The following KCNMA1 variants were observed in gnomAD, a reference collection of about 807,000 sequenced individuals.
KCNMA1 encodes the protein potassium calcium-activated channel subfamily M alpha 1.
KCNMA1 carries 29 observed loss-of-function variants against 140.0 expected under a neutral mutation model. The observed-to-expected ratio is 0.21, with a 90% CI of 0.15 to 0.28. The LOEUF is 0.28. Among genes scored for constraint, KCNMA1 ranks in the 10% least tolerant of loss-of-function variants. KCNMA1 has a pLI of 1.00. For missense variants in KCNMA1, 880 were observed against 1,602.2 expected (o/e 0.55, Z 7.70); for synonymous variants, 612 against 611.9 (o/e 1.00, Z 0.00).
At chr10:77,552,755 T>C (rs1026563499) in intron 1 of KCNMA1, among the ~76,000 whole-genome samples, 9 of 152,084 alleles carry the variant, frequency 5.9e-5, no homozygotes, top group African/African-American at 2.2e-4. Flanking sequence ...CATTTAAGAA[T>C]CCAAAAAGGT....
chr10:77,416,592 G>A (rs963115841), intron 1 of KCNMA1, among the ~76,000 whole-genome samples: 2 of 152,154 alleles, frequency 1.3e-5, no homozygotes, highest in African/African-American at 2.4e-5. Context: ...GGAGTAAAAA[G>A]ATGAGTAACC....
downstream of KCNMA1, among the ~76,000 whole-genome samples, chr10:76,880,241 T>C (rs1351890504): frequency 1.3e-5 from 2 of 152,222 alleles, no homozygotes; most frequent in Non-Finnish European, 2.9e-5. Flanking sequence ...AATTTCCTTC[T>C]GCTGTCTGTA....
At chr10:77,342,051 A>C (rs1428995444) in intron 2 of KCNMA1, among the ~76,000 whole-genome samples, 1 of 152,154 alleles carries the variant, frequency 6.6e-6, no homozygotes. Context: ...ATGCTGCTTC[A>C]AAGGCCTTTC....
At chr10:77,324,109 C>CAA (rs1238300103) in intron 2 of KCNMA1, among the ~76,000 whole-genome samples, 4 of 152,180 alleles carry the variant, frequency 2.6e-5, no homozygotes, top group African/African-American at 9.7e-5. Context: ...TCCAGAACAT[C>CAA]TGGCTTCATT....
intron 1 of KCNMA1, among the ~76,000 whole-genome samples, chr10:77,454,663 C>G (rs1288093297): frequency 3.3e-5 from 5 of 152,220 alleles, no homozygotes; most frequent in Non-Finnish European, 7.3e-5. Flanking sequence ...CGAACATGCT[C>G]TCTTCTTCAG....
At chr10:77,053,446 G>A (rs1221204689) in intron 14 of KCNMA1, among the ~76,000 whole-genome samples, 3 of 152,200 alleles carry the variant, frequency 2.0e-5, no homozygotes, top group Non-Finnish European at 4.4e-5. Flanking sequence ...GGAGTGGAGG[G>A]TGAATTGCCA....
chr10:77,252,701 T>C (rs2059913483), intron 2 of KCNMA1, among the ~76,000 whole-genome samples: 2 of 152,076 alleles, frequency 1.3e-5, no homozygotes, highest in Admixed American at 1.3e-4. Context: ...ATTTAAAGCA[T>C]TGCAAAACTG....
rs536818925 is a variant in KCNMA1 at position 77,634,591 on chromosome 10, T to A, written c.378+2674A>T. ...TGGACTCCAGCTCTTGATCAAACCA[T>A]CTTGGGGCTGAAGGAGGGTGAGGGT... On this transcript the variant is annotated intron_variant, in intron 1 of 27. Transcript: ENST00000286628. 4.1e-6 allele frequency: 4 copies of A among 985,298 alleles called. No individual in the cohort carries two copies. The South Asian group carries it at 1.4e-4, about 35-fold the overall frequency. The allele number at this position is 985,298 out of a possible 1,614,324, so 61.0% of individuals were successfully genotyped here.
intron 18 of KCNMA1, among the ~76,000 whole-genome samples, chr10:77,007,651 G>GTATATATA (rs1419890065): frequency 1.2e-4 from 1 of 8,398 alleles, no homozygotes; most frequent in African/African-American, 6.1e-4. Flanking sequence ...TATTGTGTGT[G>GTATATATA]TGTATATATA....
Position 77,590,885 on chromosome 10 carries a change from C to T in KCNMA1, c.378+46380G>A, listed in dbSNP as rs191460880. Among the ~76,000 whole-genome samples the T allele has an allele frequency of 5.9e-5, 9 of 152,384 alleles. No homozygotes were observed. The East Asian group carries it at 1.3e-3, about 23-fold the overall frequency. ...GACACTCTAGCGAGACTCAAATGTT[C>T]TTCCTGACCAAATGCCCACCTCAAG... On this transcript the variant is annotated intron_variant, in intron 1 of 27. Transcript: ENST00000286628.
chr10:77,480,122 C>T (rs563263025), intron 1 of KCNMA1, among the ~76,000 whole-genome samples: 40 of 152,358 alleles, frequency 2.6e-4, no homozygotes, highest in African/African-American at 6.3e-4. Context: ...CCAAATACGA[C>T]GCCCATATAT....
intron 2 of KCNMA1, among the ~76,000 whole-genome samples, chr10:77,261,855 G>A (rs2062094266): frequency 6.6e-6 from 1 of 152,188 alleles, no homozygotes; most frequent in African/African-American, 2.4e-5. Flanking sequence ...TCTGCTGGTG[G>A]AGCGCTCAAG....
At chr10:77,521,886 G>A (rs887296695) in intron 1 of KCNMA1, among the ~76,000 whole-genome samples, 1 of 152,020 alleles carries the variant, frequency 6.6e-6, no homozygotes, top group Non-Finnish European at 1.5e-5. Context: ...ACCCTAAGAG[G>A]ACTCAGGGAC....
chr10:76,959,699 T>C (rs2070159978), intron 20 of KCNMA1, among the ~76,000 whole-genome samples: 1 of 152,204 alleles, frequency 6.6e-6, no homozygotes. Context: ...GAGCTACTGC[T>C]ATTATTTCTA....
rs572808167 is a variant in KCNMA1 at position 77,313,196 on chromosome 10, T to C, written c.541-61940A>G. Among the ~76,000 whole-genome samples, 22 of 152,328 alleles carry C rather than the reference T, an allele frequency of 1.4e-4. No individual in the cohort carries two copies. In the South Asian group the frequency reaches 4.6e-3, roughly 32 times the overall value. ...TTCTGTGCTTGAATCAGGAGCTTCC[T>C]TAAACGCTAGCATAAAGCTGGTCTA... On this transcript the variant is annotated intron_variant, in intron 2 of 27. Coordinates refer to ENST00000286628, the MANE Select transcript of KCNMA1 (RefSeq NM_001161352.2).
chr10:77,193,481 T>C (rs2039322676), intron 3 of KCNMA1, among the ~76,000 whole-genome samples: 1 of 152,172 alleles, frequency 6.6e-6, no homozygotes, highest in African/African-American at 2.4e-5. Flanking sequence ...CATCCCTTTT[T>C]TTTAGGGAAC....
At chr10:77,104,454 C>T (rs1025064868) in intron 9 of KCNMA1, among the ~76,000 whole-genome samples, 2 of 152,196 alleles carry the variant, frequency 1.3e-5, no homozygotes, top group Admixed American at 6.5e-5. Flanking sequence ...TTTCCTCTCC[C>T]ACCTTGGCTA....
chr10:77,482,936 C>T (rs2098415111), intron 1 of KCNMA1, among the ~76,000 whole-genome samples: 1 of 151,030 alleles, frequency 6.6e-6, no homozygotes, highest in Admixed American at 6.6e-5. Flanking sequence ...CCCTTTCTCC[C>T]TCCTTCCCTT....
chr10:77,552,035 G>GA (rs1567498337), intron 1 of KCNMA1, among the ~76,000 whole-genome samples: 2 of 152,172 alleles, frequency 1.3e-5, no homozygotes, highest in East Asian at 3.9e-4. Flanking sequence ...CCCATGGTGG[G>GA]AAAAATCTCC....
Sources: gnomAD v4.1 joint callset for allele counts (sites outside exome capture counted in the v4.1 genomes callset) on GRCh38, gnomAD v4.1.1 for gene constraint, MANE v1.5 for transcripts, NCBI Gene and HGNC (gene_info 2026-07-23, HGNC 2026-07-21) for gene names.